The following PUDP variants were observed in gnomAD, a reference collection of about 807,000 sequenced individuals.
PUDP encodes the protein pseudouridine 5'-phosphatase, also known as pseudouridine-5'-phosphatase.
In PUDP, 8 loss-of-function variants were observed where a neutral mutation model predicts 9.4. That is an observed-to-expected ratio of 0.85 (90% CI 0.50 to 1.53). The LOEUF (loss-of-function observed/expected upper bound fraction) is 1.53, where lower values mean the gene tolerates loss of function less well. PUDP is among the 40% of genes most tolerant of loss of function. The pLI is 0.00. For missense variants in PUDP, 188 were observed against 189.7 expected (o/e 0.99, Z 0.05); for synonymous variants, 99 against 80.7 (o/e 1.23, Z -1.22).
chrX:6,825,906 G>A (rs770791589), intron 3 of PUDP, among the ~76,000 whole-genome samples: 1 of 111,595 alleles, frequency 9.0e-6, no homozygotes, highest in East Asian at 2.8e-4. Flanking sequence ...AGAAGCAGGC[G>A]GCAACAAGGC....
At position 6,799,776 on chromosome X, in the gene PUDP, C is replaced by T. The variant is rs761497821; in HGVS notation, c.*248-93310G>A. Among the ~76,000 whole-genome samples, 4 of 110,333 alleles carry T rather than the reference C, an allele frequency of 3.6e-5. No homozygotes were observed. The East Asian group carries it at 8.5e-4, about 23-fold the overall frequency. Reference sequence around the variant, plus strand: ...ACTTGAACCCCGGAGGCAGAGGTTGCGGTGAGCCGAGACCACGCCATTGCA... The same window carrying T: ...ACTTGAACCCCGGAGGCAGAGGTTGTGGTGAGCCGAGACCACGCCATTGCA... On this transcript the variant is annotated intron_variant and NMD_transcript_variant, in intron 3 of 3. Transcript: ENST00000655425.
At chrX:6,990,464 C>G (rs959066333) in intron 1 of PUDP, among the ~76,000 whole-genome samples, 23 of 112,152 alleles carry the variant, frequency 2.1e-4, no homozygotes, top group African/African-American at 7.5e-4. Context: ...CCAACTTCCC[C>G]AAATAGAAAG....
At chrX:7,062,476 G>A (rs1876404316) in intron 3 of PUDP, among the ~76,000 whole-genome samples, 1 of 111,944 alleles carries the variant, frequency 8.9e-6, no homozygotes, top group African/African-American at 3.3e-5. Context: ...AATGGAAGGT[G>A]TGTGTGGGGT....
At chrX:6,838,337 T>C (rs1376934636) in intron 3 of PUDP, among the ~76,000 whole-genome samples, 1 of 112,557 alleles carries the variant, frequency 8.9e-6, no homozygotes, top group African/African-American at 3.2e-5. Context: ...GGCAGGTGGA[T>C]GGAGGTGTCC....
chrX:6,845,723 A>G (rs887666805), intron 3 of PUDP, among the ~76,000 whole-genome samples: 59 of 112,649 alleles, frequency 5.2e-4, no homozygotes, highest in Non-Finnish European at 3.6e-4. Context: ...GAATATTTTC[A>G]AAAGTAGAAG....
chrX:7,124,579 A>T (rs1932429699), intron 1 of PUDP, among the ~76,000 whole-genome samples: 1 of 110,790 alleles, frequency 9.0e-6, no homozygotes, highest in Non-Finnish European at 1.9e-5. Context: ...TTACCAAGAG[A>T]TTGGTAAAAT....
At chrX:6,928,086 C>T (rs968968035) in intron 3 of PUDP, among the ~76,000 whole-genome samples, 6 of 109,116 alleles carry the variant, frequency 5.5e-5, no homozygotes, top group African/African-American at 1.7e-4. Flanking sequence ...AGGTGCACAC[C>T]ACTAGGCGAG....
intron 1 of PUDP, among the ~76,000 whole-genome samples, chrX:7,034,369 T>C (rs1929827641): frequency 8.9e-6 from 1 of 111,952 alleles, no homozygotes; most frequent in Non-Finnish European, 1.9e-5. Flanking sequence ...TTTTTTTACA[T>C]GAAAAGTTCA....
intron 3 of PUDP, among the ~76,000 whole-genome samples, chrX:6,906,788 T>C (rs1192468046): frequency 9.0e-6 from 1 of 111,709 alleles, no homozygotes; most frequent in Non-Finnish European, 1.9e-5. Flanking sequence ...CTAGCACATG[T>C]GGGAACATCA....
At chrX:6,743,685 C>T (rs1924965833) in intron 3 of PUDP, among the ~76,000 whole-genome samples, 1 of 111,604 alleles carries the variant, frequency 9.0e-6, no homozygotes. Flanking sequence ...CCAGGTCTGT[C>T]AACGTCAGCT....
At chrX:6,870,012 C>T (rs141411007) in intron 3 of PUDP, among the ~76,000 whole-genome samples, 68 of 110,582 alleles carry the variant, frequency 6.1e-4, no homozygotes, top group African/African-American at 2.2e-3. Context: ...GCAACCGAAG[C>T]GTTCATCAAT....
At chrX:6,751,306 C>T (rs189128832) in intron 3 of PUDP, among the ~76,000 whole-genome samples, 2 of 111,911 alleles carry the variant, frequency 1.8e-5, no homozygotes, top group East Asian at 5.6e-4. Flanking sequence ...GATGCCAATT[C>T]TGGTGCCCTT....
intron 1 of PUDP, among the ~76,000 whole-genome samples, chrX:7,024,639 T>G (rs1335984703): frequency 1.9e-5 from 2 of 105,123 alleles, no homozygotes; most frequent in African/African-American, 7.0e-5. Flanking sequence ...CAGGCTGGAG[T>G]GCAGTGGTGC....
At chrX:6,959,164 C>T (rs909856264) in intron 3 of PUDP, among the ~76,000 whole-genome samples, 1 of 111,840 alleles carries the variant, frequency 8.9e-6, no homozygotes, top group Non-Finnish European at 1.9e-5. Flanking sequence ...AAGCCAGAGG[C>T]CATTCAGCAG....
intron 2 of PUDP, among the ~76,000 whole-genome samples, chrX:7,098,388 G>A (rs932569941): frequency 1.8e-5 from 2 of 111,573 alleles, no homozygotes; most frequent in African/African-American, 6.5e-5. Context: ...ACAGAGGAAT[G>A]GAAGAGCAGG....
chrX:6,800,115 T>C (rs1181635357), intron 3 of PUDP, among the ~76,000 whole-genome samples: 1 of 112,037 alleles, frequency 8.9e-6, no homozygotes, highest in Non-Finnish European at 1.9e-5. Context: ...ATAGGAAGAA[T>C]TGTATTTTAC....
chrX:6,938,489 C>A (rs1177439778), intron 3 of PUDP, among the ~76,000 whole-genome samples: 2 of 68,890 alleles, frequency 2.9e-5, no homozygotes, highest in Admixed American at 2.0e-4. Flanking sequence ...GTTGTGGGGT[C>A]GGGGGAGGGG....
intron 2 of PUDP, chrX:7,084,674 A>G (rs748054098): frequency 6.3e-5 from 7 of 111,611 alleles, no homozygotes; most frequent in African/African-American, 2.0e-4. Context: ...TATTGAATGG[A>G]CAATTAAGGC....
chrX:6,810,809 G>A (rs1391247013), intron 3 of PUDP, among the ~76,000 whole-genome samples: 2 of 111,636 alleles, frequency 1.8e-5, no homozygotes, highest in African/African-American at 6.5e-5. Flanking sequence ...TAGATATTGA[G>A]CCCAAACTCA....
Sources: gnomAD v4.1 joint callset for allele counts (sites outside exome capture counted in the v4.1 genomes callset) on GRCh38, gnomAD v4.1.1 for gene constraint, MANE v1.5 for transcripts, NCBI Gene and HGNC (gene_info 2026-07-23, HGNC 2026-07-21) for gene names.